The following FRAS1 variants were observed in gnomAD, a reference collection of about 807,000 sequenced individuals.
The protein encoded by FRAS1 is Fraser extracellular matrix complex subunit 1.
FRAS1 carries 290 observed loss-of-function variants against 435.2 expected under a neutral mutation model. The ratio of observed to expected loss-of-function variants is 0.67; its 90% CI spans 0.61 to 0.73. FRAS1 has a LOEUF of 0.73. FRAS1 is among the 30% of genes least tolerant of loss of function. The pLI, the probability that FRAS1 is intolerant of heterozygous loss-of-function variation, is 0.00. For synonymous variants in FRAS1, 1,800 were observed against 1,851.0 expected, an observed-to-expected ratio of 0.97 and a Z score of 0.71; for missense variants, 4,860 against 5,001.5, an observed-to-expected ratio of 0.97 and a Z score of 0.85.
At chr4:78,321,636 G>C (rs1729509893) in intron 18 of FRAS1, among the ~76,000 whole-genome samples, 1 of 152,078 alleles carries the variant, frequency 6.6e-6, no homozygotes, top group African/African-American at 2.4e-5. Flanking sequence ...CTGAGGTCTG[G>C]AGTTCGACAC....
chr4:78,241,491 A>G (rs965296460), intron 3 of FRAS1, among the ~76,000 whole-genome samples: 8 of 152,208 alleles, frequency 5.3e-5, no homozygotes, highest in African/African-American at 1.9e-4. Context: ...TGATATTACC[A>G]TGAAAGACAT....
chr4:78,243,215 TGTATGCATATATGTA>T (rs1264738730), intron 3 of FRAS1, among the ~76,000 whole-genome samples: 5 of 152,198 alleles, frequency 3.3e-5, no homozygotes, highest in Non-Finnish European at 5.9e-5. Context: ...TATATCTATA[TGTATGCATATATGTA>T]GTATGCATAT....
At position 78,513,423 on chromosome 4, in the gene FRAS1, G is replaced by A. The variant is rs753102002; in HGVS notation, c.10045G>A (p.Asp3349Asn). ...IHISVQIPHQ[D>N]GMLPLISTMP... ...CATTTCGGTGCAGATCCCACACCAG[G>A]ATGGAATGCTGCCCCTTATCTCCAC... Residue 3349 changes from aspartate (D) to asparagine (N), a missense_variant, in exon 65 of 74, where the codon GAT becomes AAT. Coordinates refer to ENST00000512123, the MANE Select transcript of FRAS1 (RefSeq NM_025074.7). The A allele has an allele frequency of 2.5e-6, 4 of 1,613,902 alleles. No homozygotes were observed. The highest frequency in any genetic ancestry group is 3.4e-6 in the Non-Finnish European group (4 of 1,179,846).
chr4:78,181,196 T>G lies in FRAS1; in HGVS notation c.109-56314T>G, dbSNP rs961359865. ...ATTAAATTCTACTTTTGCCCGGTCC[T>G]TATTTTGAATAGCCTTCCACTCATC... On this transcript the variant is annotated intron_variant, in intron 2 of 73. Transcript: ENST00000512123. 8.1e-6 allele frequency: 13 copies of G among 1,608,368 alleles called. No homozygotes were observed. In the African/African-American group the frequency reaches 1.6e-4, roughly 20 times the overall value.
intron 33 of FRAS1, 146 bp from the exon 34 acceptor site, chr4:78,421,717 G>A (rs1349754479): frequency 4.8e-6 from 4 of 838,678 alleles, no homozygotes; most frequent in Admixed American, 2.2e-5. Flanking sequence ...TAACCAGAGA[G>A]TGGCATACCA....
intron 9 of FRAS1, among the ~76,000 whole-genome samples, chr4:78,277,772 C>A (rs1411669382): frequency 6.6e-6 from 1 of 151,566 alleles, no homozygotes; most frequent in African/African-American, 2.4e-5. Flanking sequence ...AAATATCTAC[C>A]CTGCAAACGT....
At chr4:78,454,652 C>A in intron 47 of FRAS1, among the ~76,000 whole-genome samples, 1 of 152,294 alleles carries the variant, frequency 6.6e-6, no homozygotes, top group Non-Finnish European at 1.5e-5. Flanking sequence ...GCAGACTTGG[C>A]TGTTGTGTTA....
intron 26 of FRAS1, among the ~76,000 whole-genome samples, chr4:78,378,275 T>A (rs1731862331): frequency 6.6e-6 from 1 of 152,192 alleles, no homozygotes; most frequent in Non-Finnish European, 1.5e-5. Flanking sequence ...TTTCTGTAGA[T>A]GAGTAATATT....
intron 27 of FRAS1, among the ~76,000 whole-genome samples, chr4:78,380,652 G>A (rs998181187): frequency 6.6e-6 from 1 of 152,200 alleles, no homozygotes; most frequent in Admixed American, 6.5e-5. Context: ...GCCCCCCAAA[G>A]ATTAGCCTCT....
chr4:78,356,515 G>A (rs1274838429), intron 20 of FRAS1, among the ~76,000 whole-genome samples: 1 of 152,080 alleles, frequency 6.6e-6, no homozygotes, highest in Non-Finnish European at 1.5e-5. Flanking sequence ...CCTTCTCAAG[G>A]ATCTCCATTC....
chr4:78,142,509 G>A (rs4859913), intron 2 of FRAS1, among the ~76,000 whole-genome samples: 2,927 of 152,120 alleles, frequency 0.019, 45 homozygotes, highest in Admixed American at 0.028. Context: ...AAAAAGATCC[G>A]TCAGGGTTGC....
chr4:78,100,407 T>A (rs1742063091), intron 2 of FRAS1, among the ~76,000 whole-genome samples: 1 of 152,256 alleles, frequency 6.6e-6, no homozygotes, highest in African/African-American at 2.4e-5. Flanking sequence ...GTTGCTCCAC[T>A]ATTTTTCCAC....
chr4:78,258,609 G>A (rs6850956), intron 6 of FRAS1, among the ~76,000 whole-genome samples: 136,859 of 144,776 alleles, frequency 0.95, 65,053 homozygotes, highest in Non-Finnish European at 1. Flanking sequence ...GCATTCTTGT[G>A]GGATGTTTCT....
At chr4:78,470,155 A>G (rs1719659576) in intron 51 of FRAS1, 64 bp downstream of exon 51, 8 of 1,036,408 alleles carry the variant, frequency 7.7e-6, no homozygotes, top group Admixed American at 2.0e-5. Flanking sequence ...CTTCACGACA[A>G]TGACTTATGA....
rs1345283710 is a variant in FRAS1, at chr4:78,541,355, C to G, written c.*231C>G. ...TAGATCCCTTTAATAGTGTCAACAACTGTACACAGCTCCTTCTGTAAGGCT... is the reference window on the plus strand; with the variant it reads ...TAGATCCCTTTAATAGTGTCAACAAGTGTACACAGCTCCTTCTGTAAGGCT... On this transcript the variant is annotated 3_prime_UTR_variant, in exon 74 of 74. Transcript: ENST00000512123. 2.8e-6 allele frequency: 1 copy of G among 357,616 alleles called. No homozygotes were observed. Among genetic ancestry groups the G allele is most frequent in the Non-Finnish European group, 5.0e-6 (1 of 200,630 alleles). 22.2% of individuals were successfully genotyped at this position (357,616 alleles called of 1,614,324 possible).
At chr4:78,253,191 T>C (rs1204111352) in intron 5 of FRAS1, among the ~76,000 whole-genome samples, 1 of 152,186 alleles carries the variant, frequency 6.6e-6, no homozygotes. Context: ...TGCACGTCCA[T>C]TTATAGGCTG....
chr4:78,387,938 C>T (rs1276522019), intron 29 of FRAS1, among the ~76,000 whole-genome samples: 1 of 152,128 alleles, frequency 6.6e-6, no homozygotes, highest in African/African-American at 2.4e-5. Flanking sequence ...GAGGTACTGC[C>T]ATAAGAACGT....
At chr4:78,256,577 G>A (rs1409548184) in intron 6 of FRAS1, among the ~76,000 whole-genome samples, 10 of 152,270 alleles carry the variant, frequency 6.6e-5, no homozygotes, top group South Asian at 6.2e-4. Flanking sequence ...ACCTCAGACT[G>A]CATATTAGGG....
intron 4 of FRAS1, among the ~76,000 whole-genome samples, chr4:78,248,500 G>C (rs1225789717): frequency 6.6e-6 from 1 of 152,140 alleles, no homozygotes; most frequent in Non-Finnish European, 1.5e-5. Context: ...CTAGTGCCCA[G>C]CCTGATTGAA....
Sources: gnomAD v4.1 joint callset for allele counts (sites outside exome capture counted in the v4.1 genomes callset) on GRCh38, gnomAD v4.1.1 for gene constraint, MANE v1.5 for transcripts, NCBI Gene and HGNC (gene_info 2026-07-23, HGNC 2026-07-21) for gene names.